Variants in CPD observed in about 807,000 individuals in gnomAD.
CPD encodes metallocarboxypeptidase D.
Under a neutral mutation model 138.3 loss-of-function variants are expected in CPD, and 69 were observed. The ratio of observed to expected loss-of-function variants is 0.50; its 90% CI spans 0.41 to 0.61. The LOEUF is 0.61. CPD is among the 20% of genes least tolerant of loss of function. The pLI is 0.00. For missense variants in CPD, 1,432 were observed against 1,733.3 expected, an observed-to-expected ratio of 0.83 and a Z score of 3.09; for synonymous variants, 651 against 642.1, an observed-to-expected ratio of 1.01 and a Z score of -0.21.
intron 17 of CPD, among the ~76,000 whole-genome samples, chr17:30,457,869 T>G (rs1913341611): frequency 6.6e-6 from 1 of 152,182 alleles, no homozygotes; most frequent in African/African-American, 2.4e-5. Flanking sequence ...GGTCTCCCTT[T>G]GTTGCCTAGG....
intron 5 of CPD, 69 bp from the exon 6 acceptor site, chr17:30,423,437 C>A: frequency 8.4e-7 from 1 of 1,191,282 alleles, no homozygotes; most frequent in Non-Finnish European, 1.1e-6. Flanking sequence ...ATATATGTTG[C>A]GGAAAAAAAC....
At chr17:30,424,599 A>G (rs566475330) in intron 6 of CPD, among the ~76,000 whole-genome samples, 155 of 152,354 alleles carry the variant, frequency 1.0e-3, no homozygotes, top group African/African-American at 3.5e-3. Context: ...AAACCAAACC[A>G]GATATCTGTC....
chr17:30,463,874 A>G (rs1913558383), intron 20 of CPD, among the ~76,000 whole-genome samples: 1 of 152,202 alleles, frequency 6.6e-6, no homozygotes, highest in East Asian at 1.9e-4. Flanking sequence ...TCTGTCACCC[A>G]TTAGCTATTG....
At chr17:30,417,839 T>C (rs1912154231) in intron 2 of CPD, among the ~76,000 whole-genome samples, 1 of 152,200 alleles carries the variant, frequency 6.6e-6, no homozygotes, top group South Asian at 2.1e-4. Context: ...TTTTATGCTT[T>C]GGAAAGCCAC....
intron 2 of CPD, among the ~76,000 whole-genome samples, chr17:30,416,745 A>C (rs1912117520): frequency 6.6e-6 from 1 of 152,174 alleles, no homozygotes; most frequent in African/African-American, 2.4e-5. Flanking sequence ...CTCCTCATGA[A>C]GGCTTTTTAT....
intron 2 of CPD, among the ~76,000 whole-genome samples, chr17:30,386,771 T>A (rs4794871): frequency 0.62 from 94,321 of 152,100 alleles, 30,706 homozygotes; most frequent in East Asian, 0.83. Context: ...TCCATTTTGT[T>A]GCAGGTATCA....
At chr17:30,403,069 G>A (rs1414518538) in intron 2 of CPD, among the ~76,000 whole-genome samples, 2 of 152,144 alleles carry the variant, frequency 1.3e-5, no homozygotes, top group Non-Finnish European at 2.9e-5. Flanking sequence ...TAGTGCCATT[G>A]CACTCCAGAC....
intron 2 of CPD, among the ~76,000 whole-genome samples, chr17:30,403,679 A>C (rs1180262080): frequency 6.6e-6 from 1 of 152,210 alleles, no homozygotes; most frequent in African/African-American, 2.4e-5. Context: ...TAACTAAAAC[A>C]TGGATACATT....
At chr17:30,412,947 A>G (rs1293714799) in intron 2 of CPD, among the ~76,000 whole-genome samples, 1 of 151,750 alleles carries the variant, frequency 6.6e-6, no homozygotes, top group East Asian at 1.9e-4. Flanking sequence ...GCAGAAATCT[A>G]CCCCTCTTCT....
intron 20 of CPD, among the ~76,000 whole-genome samples, chr17:30,464,249 C>A (rs1041753907): frequency 2.0e-5 from 3 of 151,876 alleles, no homozygotes; most frequent in Admixed American, 2.0e-4. Flanking sequence ...AAAAATTAGC[C>A]AGGTGTGGTG....
Position 30,385,000 on chromosome 17 carries a change from C to G in CPD, c.758C>G (p.Ser253Cys). ...TTGTATTTTCAAAGGTTTGTGCTTT[C>G]TGGAAATCTGCATGGTGGCTCAGTG... ...EWIRRNKFVLSGNLHGGSVVA... is the reference protein window; with the variant it reads ...EWIRRNKFVLCGNLHGGSVVA... The change falls in exon 2 of 21, where the codon TCT (serine) becomes TGT (cysteine). Residue 253 changes from serine to cysteine, a missense_variant. By Grantham distance (112) the Ser-to-Cys change is moderately radical. Around this residue, in one of 6 missense-constraint regions of CPD, gnomAD observed 484 missense variants for 477.2 expected, o/e 1.01. Transcript: ENST00000225719. 6.2e-7 allele frequency: 1 copy of G among 1,612,726 alleles called. No individual in the cohort carries two copies. Among genetic ancestry groups the G allele is most frequent in the East Asian group, 2.2e-5 (1 of 44,842 alleles).
chr17:30,420,864 G>A lies in CPD; in HGVS notation c.1018G>A (p.Val340Met), dbSNP rs113671462. The A allele has an allele frequency of 1.4e-5, 23 of 1,611,922 alleles. No individual in the cohort carries two copies. Among genetic ancestry groups the A allele is most frequent in the African/African-American group, 1.3e-4 (10 of 74,986 alleles). The part of the protein sequence containing the change: ...VEGGMQDYNY[V>M]WANCFEITLE... ...AGGTGGTATGCAAGATTACAATTAT[G>A]TGTGGGCCAACTGTTTTGAGATCAC... Residue 340 changes from valine (V) to methionine (M), a missense_variant, in exon 3 of 21, where the codon GTG becomes ATG. By Grantham distance (21) the Val-to-Met change is conservative (BLOSUM62 1). Coordinates refer to ENST00000225719, the MANE Select transcript of CPD (RefSeq NM_001304.5).
intron 16 of CPD, 39 bp from the exon 17 acceptor site, chr17:30,456,422 TA>T: frequency 1.9e-6 from 3 of 1,609,866 alleles, no homozygotes; most frequent in Non-Finnish European, 2.6e-6. Context: ...AGTTTCACCT[TA>T]AGGTCTTCCT....
At chr17:30,453,273 C>T (rs1317877606) in intron 14 of CPD, among the ~76,000 whole-genome samples, 1 of 152,186 alleles carries the variant, frequency 6.6e-6, no homozygotes, top group Non-Finnish European at 1.5e-5. Flanking sequence ...TTAGTTACTT[C>T]CTAGATAAAA....
rs573505910 is a variant in CPD at position 30,417,541 on chromosome 17, C to T, written c.995-3300C>T. ...ACCTTATTTTTTCTGTTAATGGCAT[C>T]ATCATTAGCCCAATTGATCAGGCCA... On this transcript the variant is annotated intron_variant, in intron 2 of 20. Transcript: ENST00000225719. Among the ~76,000 whole-genome samples, 12 of 152,286 alleles carry T rather than the reference C, an allele frequency of 7.9e-5. No individual in the cohort carries two copies. The East Asian group carries it at 2.1e-3, about 27-fold the overall frequency.
At position 30,379,207 on chromosome 17, in the gene CPD, TC is replaced by T; in HGVS notation, c.231del (p.Gly78AlafsTer29). On this transcript the variant is annotated frameshift_variant, in exon 1 of 21. Transcript: ENST00000225719. LOFTEE classifies it high-confidence loss of function. The surrounding 1 kb of genome is among the most constrained non-coding windows in gnomAD (Gnocchi z 7.0). ...CTGAGGGAGGCGGCGGCCGCGGGCCTCCCCGGCCTGGCCCGCCTCTTTAGCA... is the reference window on the plus strand; with the variant it reads ...CTGAGGGAGGCGGCGGCCGCGGGCCTCCCGGCCTGGCCCGCCTCTTTAGCA... Reference protein sequence around the residue: ...SALREAAAAGLPGLARLFSIG... With the variant: ...SALREAAAAGXPGLARLFSIG... The T allele has an allele frequency of 1.3e-6, 2 of 1,527,722 alleles. No homozygotes were observed. The highest frequency in any genetic ancestry group is 8.8e-7 in the Non-Finnish European group (1 of 1,142,632). The allele number at this position is 1,527,722 out of a possible 1,614,324, so 94.6% of individuals were successfully genotyped here. A position where few individuals can be genotyped will look rare whatever the true frequency, so the allele number is the denominator to read the frequency against.
chr17:30,423,174 G>C (rs957962387), intron 5 of CPD, 151 bp downstream of exon 5: 2 of 643,436 alleles, frequency 3.1e-6, no homozygotes, highest in Non-Finnish European at 5.1e-6. Context: ...AAAAGAAAAT[G>C]TAACCAATCT....
chr17:30,464,569 G>T lies in CPD; in HGVS notation c.3917-19G>T. 1.2e-6 allele frequency: 2 copies of T among 1,603,086 alleles called. No homozygotes were observed. The highest frequency in any genetic ancestry group is 1.7e-6 in the Non-Finnish European group (2 of 1,170,892). On this transcript the variant is annotated intron_variant, in intron 20 of 20. Transcript: ENST00000225719. ...CCTTAAAGTATAATATCACCCACAT[G>T]ATGGTTTTTGTTTGTCAGGTGCTAC... is the stretch of plus-strand genomic sequence containing the variant.
At chr17:30,427,091 A>G (rs1329520838) in intron 6 of CPD, among the ~76,000 whole-genome samples, 1 of 151,838 alleles carries the variant, frequency 6.6e-6, no homozygotes, top group Non-Finnish European at 1.5e-5. Context: ...CTGAGATGGG[A>G]GAATCGCTTG....
Sources: allele counts gnomAD v4.1 joint callset (sites outside exome capture counted in the v4.1 genomes callset), GRCh38; gene constraint gnomAD v4.1.1; regional missense constraint gnomAD v4.1.1; non-coding constraint Gnocchi (gnomAD v3.1); transcripts MANE v1.5; gene names NCBI Gene and HGNC (gene_info 2026-07-23, HGNC 2026-07-21).